LMO2: variants seen among roughly 807,000 people sequenced by gnomAD.
LMO2 encodes LIM domain only 2.
Under a neutral mutation model 23.2 loss-of-function variants are expected in LMO2, and 20 were observed. The observed-to-expected ratio is 0.86, with a 90% CI of 0.61 to 1.25. The LOEUF (loss-of-function observed/expected upper bound fraction) is 1.25. Among genes scored for constraint, LMO2 ranks in the 50% most tolerant of loss-of-function variants. The pLI is 0.00. For missense variants in LMO2, 270 were observed against 315.3 expected (o/e 0.86, Z 1.09); for synonymous variants, 123 against 130.2 (o/e 0.94, Z 0.38).
At chr11:33,869,221 G>C (rs1856905305) in intron 4 of LMO2, 125 bp downstream of exon 4, 1 of 608,332 alleles carries the variant, frequency 1.6e-6, no homozygotes, top group African/African-American at 2.0e-5. Flanking sequence ...CTCGGCACAG[G>C]GGGCCAAGGG....
At chr11:33,884,066 C>A (rs1238700694) in intron 1 of LMO2, among the ~76,000 whole-genome samples, 3 of 152,066 alleles carry the variant, frequency 2.0e-5, no homozygotes, top group Non-Finnish European at 4.4e-5. Flanking sequence ...GCCTTGGATG[C>A]CAAAACGCAC....
chr11:33,886,575 A>G (rs934211618), intron 1 of LMO2, among the ~76,000 whole-genome samples: 32 of 152,188 alleles, frequency 2.1e-4, no homozygotes, highest in African/African-American at 7.7e-4. Context: ...AGCTATAAAA[A>G]ACCTAAAGGT....
intron 2 of LMO2, among the ~76,000 whole-genome samples, chr11:33,871,381 G>A (rs1272893928): frequency 6.6e-6 from 1 of 151,838 alleles, no homozygotes; most frequent in Non-Finnish European, 1.5e-5. Flanking sequence ...GCAACACAGT[G>A]AGACCCCGTT....
chr11:33,869,625 CGGGCGCGCCGCGGCCGA>C, intron 3 of LMO2, 39 bp from the exon 4 acceptor site: 1 of 1,260,324 alleles, frequency 7.9e-7, no homozygotes, highest in Non-Finnish European at 1.0e-6. Context: ...CACCGGGCTG[CGGGCGCGCCGCGGCCGA>C]GGCGGGGGCC....
intron 4 of LMO2, among the ~76,000 whole-genome samples, chr11:33,867,100 A>G (rs1338427340): frequency 6.6e-6 from 1 of 152,192 alleles, no homozygotes; most frequent in East Asian, 1.9e-4. Flanking sequence ...CTGGTGCAAA[A>G]CTGCCTGGAA....
intron 2 of LMO2, chr11:33,870,475 A>G (rs926173689): frequency 4.0e-5 from 39 of 963,822 alleles, no homozygotes; most frequent in East Asian, 3.4e-4. Context: ...TGCGGGCCCC[A>G]GGCTGCGGGC....
At chr11:33,859,710 A>T (rs1856498887) in intron 5 of LMO2, 135 bp from the exon 6 acceptor site, 1 of 692,534 alleles carries the variant, frequency 1.4e-6, no homozygotes, top group African/African-American at 1.8e-5. Context: ...CTCCAGAAGG[A>T]GGGCCGGCTA....
Position 33,880,133 on chromosome 11 carries a change from G to A in LMO2, c.-272+1691C>T, listed in dbSNP as rs921501180. On this transcript the variant is annotated intron_variant, in intron 2 of 5. Coordinates refer to ENST00000257818, the MANE Select transcript of LMO2 (RefSeq NM_005574.4). This position sits in a 1 kb window ranked among gnomAD's most constrained non-coding sequence, Gnocchi z 4.3. ...AGATGGATTTTTTAAAGTGATATACGCATACTATTTTATGTGTACATATAT... is the reference window on the plus strand; with the variant it reads ...AGATGGATTTTTTAAAGTGATATACACATACTATTTTATGTGTACATATAT... Among the ~76,000 whole-genome samples, 2 of 133,682 alleles carry A rather than the reference G, an allele frequency of 1.5e-5. No homozygotes were observed. The highest frequency in any genetic ancestry group is 2.8e-5 in the African/African-American group (1 of 35,854). The allele number at this position is 133,682 out of a possible 152,430, so 87.7% of individuals were successfully genotyped here.
Position 33,859,589 on chromosome 11 carries a change from A to G in LMO2, c.465-14T>C, listed in dbSNP as rs371842384. ...TGCCCAAAAAGCCTGGGGCAAAAGA[A>G]AGAAAAGCTAAGAAGACAGTGAAAG... On this transcript the variant is annotated splice_polypyrimidine_tract_variant and intron_variant, in intron 5 of 5. Transcript: ENST00000257818. The G allele has an allele frequency of 4.5e-4, 723 of 1,611,164 alleles. 2 individuals are homozygous for G. Among genetic ancestry groups the G allele is most frequent in the Non-Finnish European group, 3.2e-4 (379 of 1,178,032 alleles).
chr11:33,879,773 T>C (rs530445995), intron 2 of LMO2, among the ~76,000 whole-genome samples: 5 of 152,248 alleles, frequency 3.3e-5, no homozygotes, highest in East Asian at 1.9e-4. Context: ...TCACTAATTA[T>C]TAGAGATGCA....
chr11:33,877,845 C>T (rs76739699), intron 2 of LMO2, among the ~76,000 whole-genome samples: 2,860 of 146,486 alleles, frequency 0.02, 49 homozygotes, highest in Non-Finnish European at 0.033. Flanking sequence ...CTAGGAATGC[C>T]CATTGTTGAG....
intron 2 of LMO2, chr11:33,870,419 TGGGATGC>T: frequency 1.0e-6 from 1 of 985,558 alleles, no homozygotes; most frequent in Non-Finnish European, 1.2e-6. Context: ...CGCCGTGCAC[TGGGATGC>T]CCCGGACAGC....
intron 1 of LMO2, among the ~76,000 whole-genome samples, chr11:33,884,085 A>C (rs1210013580): frequency 6.6e-6 from 1 of 152,084 alleles, no homozygotes; most frequent in Non-Finnish European, 1.5e-5. Context: ...ACCACACCTG[A>C]CCCGGTGATC....
In LMO2 at chr11:33,864,649, G is replaced by A. The variant is rs749679066; in HGVS notation, c.417C>T (p.Arg139=). 1 of 1,613,940 alleles carries A rather than the reference G, an allele frequency of 6.2e-7. No homozygotes were observed. ...GCTTCCGGCCCAGTTTGTAGTAGAG[G>A]CGCCGCCCCACCTCACCCAGCCGGC... ...CGCRLGEVGR[R]LYYKLGRKLC... The change falls in exon 5 of 6, where the codon CGC becomes CGT. Residue 139 remains arginine, a synonymous_variant. Transcript: ENST00000257818. This position sits in a 1 kb window ranked among gnomAD's most constrained non-coding sequence, Gnocchi z 4.8.
chr11:33,870,618 G>A, intron 2 of LMO2: 1 of 969,366 alleles, frequency 1.0e-6, no homozygotes, highest in Non-Finnish European at 1.2e-6. Flanking sequence ...TGGCTGGGAG[G>A]GACCACGCGG....
chr11:33,869,839 G>T lies in LMO2; in HGVS notation c.-123C>A. 1 of 1,065,568 alleles carries T rather than the reference G, an allele frequency of 9.4e-7. No homozygotes were observed. The allele number at this position is 1,065,568 out of a possible 1,614,324, so 66.0% of individuals were successfully genotyped here. ...GCCCCTCGCACCTTCGGCCCGGGTC[G>T]CGGCGCGCTGCTCGCCGCCGAGGGC... On this transcript the variant is annotated 5_prime_UTR_variant, in exon 3 of 6. Coordinates refer to ENST00000257818, the MANE Select transcript of LMO2 (RefSeq NM_005574.4).
At position 33,858,912 on chromosome 11, in the gene LMO2, T is replaced by A. The variant is rs1041710834; in HGVS notation, c.*444A>T. On this transcript the variant is annotated 3_prime_UTR_variant, in exon 6 of 6. Coordinates refer to ENST00000257818, the MANE Select transcript of LMO2 (RefSeq NM_005574.4). Reference sequence around the variant, plus strand: ...CACTCTCCTTTCTGTCCTTCCCTTGTGTGGAGGACAGTGATTGAAACAGGG... The same window carrying A: ...CACTCTCCTTTCTGTCCTTCCCTTGAGTGGAGGACAGTGATTGAAACAGGG... 8.4e-6 allele frequency: 2 copies of A among 239,174 alleles called. No homozygotes were observed. The highest frequency in any genetic ancestry group is 1.7e-5 in the Non-Finnish European group (2 of 120,902). 14.8% of individuals were successfully genotyped at this position (239,174 alleles called of 1,614,324 possible). A position where few individuals can be genotyped will look rare whatever the true frequency, so the allele number is the denominator to read the frequency against.
rs1477331020 is a variant in LMO2 at position 33,891,391 on chromosome 11, GCA to G, written c.-336+402_-336+403del. Among the ~76,000 whole-genome samples, 10 of 27,334 alleles carry G rather than the reference GCA, an allele frequency of 3.7e-4. No homozygotes were observed. The East Asian group carries it at 5.3e-3, about 14-fold the overall frequency. The allele number at this position is 27,334 out of a possible 152,430, so 17.9% of individuals were successfully genotyped here. On this transcript the variant is annotated intron_variant, in intron 1 of 5. Transcript: ENST00000257818. ...CACACACACACACACACACACACAT[GCA>G]CACACACTCACACAGTTGCTGGGGA...
At chr11:33,876,111 CA>C (rs1302897906) in intron 2 of LMO2, among the ~76,000 whole-genome samples, 1 of 152,216 alleles carries the variant, frequency 6.6e-6, no homozygotes, top group African/African-American at 2.4e-5. Context: ...TGGATCACCC[CA>C]TGGCTCCCAT....
Sources: gnomAD v4.1 joint callset for allele counts (sites outside exome capture counted in the v4.1 genomes callset) on GRCh38, gnomAD v4.1.1 for gene constraint, Gnocchi (gnomAD v3.1) non-coding constraint, MANE v1.5 for transcripts, NCBI Gene and HGNC (gene_info 2026-07-23, HGNC 2026-07-21) for gene names.